PLSCR4: variants seen among roughly 807,000 people sequenced by gnomAD.
The protein encoded by PLSCR4 is phospholipid scramblase 4, also known as Ca(2+)-dependent phospholipid scramblase 4.
Under a neutral mutation model 36.3 loss-of-function variants are expected in PLSCR4, and 25 were observed. The ratio of observed to expected loss-of-function variants is 0.69; its 90% CI spans 0.50 to 0.96. The LOEUF (loss-of-function observed/expected upper bound fraction) is 0.96, where lower values mean the gene tolerates loss of function less well. Ranked by LOEUF, PLSCR4 falls within the 40% of genes least tolerant of loss-of-function variation. The pLI is 0.00. For synonymous variants in PLSCR4, 122 were observed against 132.9 expected (o/e 0.92, Z 0.56); for missense variants, 408 against 414.7 (o/e 0.98, Z 0.14).
At chr3:146,211,336 C>T (rs892574557) in intron 3 of PLSCR4, among the ~76,000 whole-genome samples, 5 of 151,962 alleles carry the variant, frequency 3.3e-5, no homozygotes, top group African/African-American at 1.2e-4. Context: ...TGCTTATTGG[C>T]CATTTGTATA....
chr3:146,205,189 A>C lies in PLSCR4; in HGVS notation c.354+1337T>G, dbSNP rs577345896. Among the ~76,000 whole-genome samples, 67 of 152,122 alleles carry C rather than the reference A, an allele frequency of 4.4e-4. 1 individual carries two copies. The highest frequency in any genetic ancestry group is 1.5e-3 in the African/African-American group (64 of 41,540). ...TTCCTTTTTCTATAAACAACAACAAAAAAGATTCAGAAGGTTCTATGGAAT... is the reference window on the plus strand; with the variant it reads ...TTCCTTTTTCTATAAACAACAACAACAAAGATTCAGAAGGTTCTATGGAAT... On this transcript the variant is annotated intron_variant, in intron 4 of 8. Transcript: ENST00000354952.
rs368525208 is a variant in PLSCR4 at position 146,221,286 on chromosome 3, A to C, written c.8-361T>G. On this transcript the variant is annotated intron_variant, in intron 2 of 8. Coordinates refer to ENST00000354952, the MANE Select transcript of PLSCR4 (RefSeq NM_020353.3). ...TTTACATAATATGGAGAACACAAGC[A>C]TTTATAGAGTGAAGTTGATTTTTTT... Among the ~76,000 whole-genome samples, 57 of 152,342 alleles carry C rather than the reference A, an allele frequency of 3.7e-4. 5 individuals are homozygous for C. In the South Asian group the frequency reaches 8.9e-3, roughly 24 times the overall value.
At chr3:146,237,895 A>C (rs1377268278) in intron 1 of PLSCR4, among the ~76,000 whole-genome samples, 2 of 151,898 alleles carry the variant, frequency 1.3e-5, no homozygotes, top group Non-Finnish European at 2.9e-5. Flanking sequence ...GAAAATCAAA[A>C]AAGCTAAAAA....
chr3:146,219,411 C>T (rs778904721), intron 3 of PLSCR4, among the ~76,000 whole-genome samples: 2 of 151,820 alleles, frequency 1.3e-5, no homozygotes, highest in East Asian at 1.9e-4. Context: ...TATAGAGAAA[C>T]GATAGATAAA....
chr3:146,230,900 G>A (rs1280328453), intron 1 of PLSCR4, among the ~76,000 whole-genome samples: 2 of 152,104 alleles, frequency 1.3e-5, no homozygotes, highest in African/African-American at 4.8e-5. Flanking sequence ...GGGTGAACAA[G>A]TGCAGGTTTG....
chr3:146,194,292 A>G lies in PLSCR4; in HGVS notation c.*119T>C, dbSNP rs905149979. On this transcript the variant is annotated 3_prime_UTR_variant, in exon 9 of 9. Coordinates refer to ENST00000354952, the MANE Select transcript of PLSCR4 (RefSeq NM_020353.3). Reference sequence around the variant, plus strand: ...TCTCAGCTGTCAAAGTTAACACCCAATAAAAATACTCTACAAAGCAAAGAA... The same window carrying G: ...TCTCAGCTGTCAAAGTTAACACCCAGTAAAAATACTCTACAAAGCAAAGAA... The G allele has an allele frequency of 9.6e-6, 7 of 729,110 alleles. No homozygotes were observed. Among genetic ancestry groups the G allele is most frequent in the African/African-American group, 1.8e-5 (1 of 56,746 alleles). 45.2% of individuals were successfully genotyped at this position (729,110 alleles called of 1,614,324 possible).
chr3:146,200,610 A>T (rs1330069516), intron 5 of PLSCR4, among the ~76,000 whole-genome samples: 3 of 152,030 alleles, frequency 2.0e-5, no homozygotes, highest in Non-Finnish European at 4.4e-5. Flanking sequence ...GATTTGGCAG[A>T]TTTGGATTCT....
At chr3:146,248,967 G>C (rs2036448890) in intron 1 of PLSCR4, among the ~76,000 whole-genome samples, 1 of 152,094 alleles carries the variant, frequency 6.6e-6, no homozygotes, top group Non-Finnish European at 1.5e-5. Context: ...TGGATAATTA[G>C]TGTGGCTAAC....
intron 3 of PLSCR4, among the ~76,000 whole-genome samples, chr3:146,218,541 A>T (rs1512893): frequency 2.0e-5 from 3 of 151,520 alleles, no homozygotes; most frequent in Non-Finnish European, 4.4e-5. Flanking sequence ...GTAATTGAAC[A>T]ATTTTTGTTA....
intron 1 of PLSCR4, among the ~76,000 whole-genome samples, chr3:146,240,694 T>G (rs1240318299): frequency 9.0e-6 from 1 of 111,078 alleles, no homozygotes; most frequent in Non-Finnish European, 2.2e-5. Context: ...TTAGGAGAGA[T>G]ATGTAGATAT....
Position 146,202,354 on chromosome 3 carries a change from T to C in PLSCR4, c.355-1277A>G, listed in dbSNP as rs147538269. ...AAGAAAGTGAGTGACATGAATGTTT[T>C]ATTTTCTTATTGAATCTAAAATTAT... On this transcript the variant is annotated intron_variant, in intron 4 of 8. Coordinates refer to ENST00000354952, the MANE Select transcript of PLSCR4 (RefSeq NM_020353.3). Among the ~76,000 whole-genome samples, 4 of 152,236 alleles carry C rather than the reference T, an allele frequency of 2.6e-5. No homozygotes were observed. The East Asian group carries it at 7.7e-4, about 29-fold the overall frequency.
At chr3:146,240,700 G>A (rs2036114316) in intron 1 of PLSCR4, among the ~76,000 whole-genome samples, 1 of 84,490 alleles carries the variant, frequency 1.2e-5, no homozygotes, top group African/African-American at 2.7e-5. Flanking sequence ...GAGATATGTA[G>A]ATATCGAAAC....
intron 1 of PLSCR4, among the ~76,000 whole-genome samples, chr3:146,234,023 G>A (rs187085222): frequency 6.6e-6 from 1 of 152,110 alleles, no homozygotes; most frequent in African/African-American, 2.4e-5. Context: ...AACATAATAG[G>A]TCATATGTTC....
At chr3:146,221,287 T>G (rs2035130916) in intron 2 of PLSCR4, among the ~76,000 whole-genome samples, 1 of 152,214 alleles carries the variant, frequency 6.6e-6, no homozygotes, top group South Asian at 2.1e-4. Flanking sequence ...AACACAAGCA[T>G]TTATAGAGTG....
intron 1 of PLSCR4, among the ~76,000 whole-genome samples, chr3:146,233,461 G>GA (rs1381766179): frequency 6.6e-6 from 1 of 152,020 alleles, no homozygotes. Flanking sequence ...TCTTATAAAT[G>GA]AAAATTTCTA....
intron 3 of PLSCR4, 93 bp from the exon 4 acceptor site, chr3:146,206,854 C>T: frequency 2.7e-6 from 2 of 745,356 alleles, no homozygotes; most frequent in Middle Eastern, 7.6e-4. Flanking sequence ...ACGACATCCA[C>T]TTAAATATAA....
chr3:146,195,020 G>A (rs539057836), intron 8 of PLSCR4, 104 bp downstream of exon 8: 11 of 931,482 alleles, frequency 1.2e-5, no homozygotes, highest in Admixed American at 2.3e-5. Flanking sequence ...GTGGCACAGA[G>A]ATAAGTTGGA....
At chr3:146,223,895 ATTT>A (rs1407504746) in intron 1 of PLSCR4, 2 of 147,442 alleles carry the variant, frequency 1.4e-5, no homozygotes, top group Admixed American at 6.8e-5. Context: ...TTACATTTAT[ATTT>A]TAAATATATT....
In PLSCR4 at chr3:146,227,347, C is replaced by CGTCT. The variant is rs1244832561; in HGVS notation, c.-21-5256_-21-5255insAGAC. 2.0e-5 allele frequency among the ~76,000 whole-genome samples: 3 copies of CGTCT among 152,252 alleles called. No individual in the cohort carries two copies. The East Asian group carries it at 5.8e-4, about 29-fold the overall frequency. On this transcript the variant is annotated intron_variant, in intron 1 of 8. Coordinates refer to ENST00000354952, the MANE Select transcript of PLSCR4 (RefSeq NM_020353.3). ...AGAGAGAAAGGAGACATGGGCTAGA[C>CGTCT]AGGACAAGGTTGCTGAGATTGAGGT...
Sources: allele counts gnomAD v4.1 joint callset (sites outside exome capture counted in the v4.1 genomes callset), GRCh38; gene constraint gnomAD v4.1.1; transcripts MANE v1.5; gene names NCBI Gene and HGNC (gene_info 2026-07-23, HGNC 2026-07-21).